Variants in RELN observed in about 807,000 individuals in gnomAD.
RELN encodes the protein reelin.
A neutral mutation model predicts 427.6 loss-of-function variants in RELN; 108 were observed. The observed-to-expected ratio is 0.25, with a 90% CI of 0.22 to 0.30. The LOEUF (loss-of-function observed/expected upper bound fraction) is 0.30. Ranked by LOEUF, RELN falls within the 10% of genes least tolerant of loss-of-function variation. The pLI, the probability that RELN is intolerant of heterozygous loss-of-function variation, is 1.00. For synonymous variants in RELN, 1,524 were observed against 1,513.4 expected (o/e 1.01, Z -0.16); for missense variants, 3,715 against 4,302.8 (o/e 0.86, Z 3.82).
At chr7:103,664,177 G>A (rs1458184087) in intron 11 of RELN, among the ~76,000 whole-genome samples, 1 of 152,198 alleles carries the variant, frequency 6.6e-6, no homozygotes, top group Non-Finnish European at 1.5e-5. Context: ...GGCTATAACA[G>A]AAGTCATAAA....
At chr7:103,487,960 A>G (rs576388447) in intron 60 of RELN, among the ~76,000 whole-genome samples, 2 of 151,746 alleles carry the variant, frequency 1.3e-5, no homozygotes, top group African/African-American at 4.9e-5. Context: ...CCTGACTAAC[A>G]CGGTGAAACC....
At chr7:103,608,682 G>A (rs1438658416) in intron 22 of RELN, among the ~76,000 whole-genome samples, 1 of 151,864 alleles carries the variant, frequency 6.6e-6, no homozygotes, top group African/African-American at 2.4e-5. Context: ...AACGCTTATG[G>A]GTTAATATAT....
At chr7:103,760,906 T>C (rs989259790) in intron 4 of RELN, among the ~76,000 whole-genome samples, 10 of 152,338 alleles carry the variant, frequency 6.6e-5, no homozygotes, top group Middle Eastern at 3.4e-3. Context: ...AATTTATTAC[T>C]TTTTGTATTT....
chr7:103,534,062 G>A (rs1408397695), intron 46 of RELN, among the ~76,000 whole-genome samples: 3 of 152,190 alleles, frequency 2.0e-5, no homozygotes, highest in Non-Finnish European at 4.4e-5. Context: ...AGCAGCCCTA[G>A]GCTGTTACTA....
chr7:103,940,270 T>A (rs998193877), intron 1 of RELN, among the ~76,000 whole-genome samples: 1 of 152,226 alleles, frequency 6.6e-6, no homozygotes, highest in Non-Finnish European at 1.5e-5. Context: ...AGTTTCACTC[T>A]CCTTATCTGT....
intron 27 of RELN, among the ~76,000 whole-genome samples, chr7:103,590,245 T>C (rs1831378442): frequency 6.6e-6 from 1 of 152,128 alleles, no homozygotes; most frequent in Admixed American, 6.5e-5. Flanking sequence ...CCTCCTTCTG[T>C]TTCCTTGCCA....
chr7:103,515,060 C>G, intron 50 of RELN, 125 bp downstream of exon 50: 3 of 1,206,170 alleles, frequency 2.5e-6, no homozygotes, highest in African/African-American at 1.5e-5. Context: ...GGATGACACC[C>G]TTTTCAGCGT....
At chr7:103,776,136 T>C (rs1263402274) in intron 4 of RELN, among the ~76,000 whole-genome samples, 1 of 152,184 alleles carries the variant, frequency 6.6e-6, no homozygotes, top group Admixed American at 6.5e-5. Flanking sequence ...GTGCACACAG[T>C]TGAAACAGGC....
intron 2 of RELN, among the ~76,000 whole-genome samples, chr7:103,894,950 C>T (rs919130572): frequency 6.6e-6 from 1 of 152,116 alleles, no homozygotes; most frequent in Admixed American, 6.6e-5. Flanking sequence ...TCATGCTCTG[C>T]TCTGGCTCAA....
In RELN at chr7:103,573,983, A is replaced by G; in HGVS notation, c.4511+109T>C. On this transcript the variant is annotated intron_variant, in intron 30 of 64. Transcript: ENST00000428762. The surrounding 1 kb of genome is among the most constrained non-coding windows in gnomAD (Gnocchi z 4.4). The stretch of plus-strand genomic sequence containing the variant: ...TTTACATATCATAATCTATATACAG[A>G]AACATTATTGTATATATTCCCAATA... The G allele has an allele frequency of 1.1e-6, 1 of 894,636 alleles. No homozygotes were observed. 55.4% of individuals were successfully genotyped at this position (894,636 alleles called of 1,614,324 possible). A position where few individuals can be genotyped will look rare whatever the true frequency, so the allele number is the denominator to read the frequency against.
At chr7:103,923,257 C>G (rs755825426) in intron 1 of RELN, among the ~76,000 whole-genome samples, 1 of 152,144 alleles carries the variant, frequency 6.6e-6, no homozygotes. Flanking sequence ...ACTACTGATT[C>G]TTCCTTAAAG....
chr7:103,511,486 C>G (rs2711849), intron 50 of RELN, among the ~76,000 whole-genome samples: 1 of 151,786 alleles, frequency 6.6e-6, no homozygotes, highest in East Asian at 1.9e-4. Context: ...CTACTACTCA[C>G]ATTCTGAAAG....
Position 103,492,045 on chromosome 7 carries a change from A to G in RELN, c.9370-19T>C, listed in dbSNP as rs1314699814. On this transcript the variant is annotated intron_variant, in intron 57 of 64. Coordinates refer to ENST00000428762, the MANE Select transcript of RELN (RefSeq NM_005045.4). ...CCACAATCTAAAACAAACATAAACAATCAATACACAGGTAAGATTAGATGA... is the reference window on the plus strand; with the variant it reads ...CCACAATCTAAAACAAACATAAACAGTCAATACACAGGTAAGATTAGATGA... 4.4e-6 allele frequency: 7 copies of G among 1,580,100 alleles called. No individual in the cohort carries two copies. Among genetic ancestry groups the G allele is most frequent in the South Asian group, 1.1e-5 (1 of 89,638 alleles).
chr7:103,552,422 C>T (rs1379248343), intron 40 of RELN, among the ~76,000 whole-genome samples: 2 of 151,036 alleles, frequency 1.3e-5, no homozygotes, highest in African/African-American at 4.9e-5. Flanking sequence ...TGTGAACTTA[C>T]ATAACTTTTA....
At chr7:103,773,059 G>GA (rs952903298) in intron 4 of RELN, among the ~76,000 whole-genome samples, 20 of 152,006 alleles carry the variant, frequency 1.3e-4, no homozygotes, top group African/African-American at 4.8e-4. Context: ...ATGTGAGGTG[G>GA]ATCAGCGAGA....
chr7:103,900,011 C>T (rs1156602140), intron 2 of RELN, among the ~76,000 whole-genome samples: 1 of 152,162 alleles, frequency 6.6e-6, no homozygotes, highest in African/African-American at 2.4e-5. Flanking sequence ...TCAAATAGTC[C>T]CTGTTTGCAG....
chr7:103,659,129 C>G (rs1009993812), intron 12 of RELN, among the ~76,000 whole-genome samples: 1 of 151,806 alleles, frequency 6.6e-6, no homozygotes, highest in Non-Finnish European at 1.5e-5. Flanking sequence ...TATGGCATTC[C>G]AGAAACCTGA....
At chr7:103,590,570 A>C (rs201542960) in intron 27 of RELN, among the ~76,000 whole-genome samples, 56 of 24,176 alleles carry the variant, frequency 2.3e-3, no homozygotes, top group African/African-American at 0.01. Context: ...AACAATAAAT[A>C]AATAAATAAA....
chr7:103,872,346 G>C (rs1167540920), intron 2 of RELN, among the ~76,000 whole-genome samples: 1 of 138,912 alleles, frequency 7.2e-6, no homozygotes, highest in Non-Finnish European at 1.6e-5. Context: ...AGTTTACTGA[G>C]AATGATGATT....
Sources: gnomAD v4.1 joint callset for allele counts (sites outside exome capture counted in the v4.1 genomes callset) on GRCh38, gnomAD v4.1.1 for gene constraint, Gnocchi (gnomAD v3.1) non-coding constraint, MANE v1.5 for transcripts, NCBI Gene and HGNC (gene_info 2026-07-23, HGNC 2026-07-21) for gene names.